Variants in HEPH observed in about 807,000 individuals in gnomAD.
The protein encoded by HEPH is hephaestin.
Under a neutral mutation model 80.8 loss-of-function variants are expected in HEPH, and 69 were observed. The observed-to-expected ratio is 0.85, with a 90% CI of 0.70 to 1.04. HEPH has a LOEUF of 1.04. HEPH is among the 50% of genes least tolerant of loss of function. The pLI is 0.00. For synonymous variants in HEPH, 431 were observed against 322.8 expected, an observed-to-expected ratio of 1.34 and a Z score of -3.60; for missense variants, 1,115 against 891.3, an observed-to-expected ratio of 1.25 and a Z score of -3.20.
intron 15 of HEPH, among the ~76,000 whole-genome samples, chrX:66,234,724 C>T (rs1478580128): frequency 1.8e-5 from 2 of 110,910 alleles, no homozygotes; most frequent in Non-Finnish European, 3.8e-5. Flanking sequence ...GCAACCTCCG[C>T]CTCCTGGGTT....
intron 7 of HEPH, 92 bp downstream of exon 7, chrX:66,192,390 C>T: frequency 2.1e-6 from 2 of 941,606 alleles, no homozygotes; most frequent in Non-Finnish European, 1.5e-6. Flanking sequence ...TCACTTTACT[C>T]AGGGATCCAA....
chrX:66,190,658 T>C (rs1324090945), intron 6 of HEPH, among the ~76,000 whole-genome samples: 1 of 112,096 alleles, frequency 8.9e-6, no homozygotes, highest in African/African-American at 3.2e-5. Context: ...GCTGTCATTT[T>C]CTAGAATTAT....
At chrX:66,170,158 A>G (rs2086531998) in intron 1 of HEPH, 1 of 119,525 alleles carries the variant, frequency 8.4e-6, no homozygotes, top group South Asian at 3.4e-4. Context: ...AGTGGCAACA[A>G]CAATGAGTGT....
intron 11 of HEPH, 63 bp downstream of exon 11, chrX:66,199,091 G>C: frequency 9.4e-7 from 1 of 1,068,971 alleles, no homozygotes; most frequent in Non-Finnish European, 1.3e-6. Context: ...AACTTTAACC[G>C]TAATCATGAC....
chrX:66,268,671 T>C (rs963773034), downstream of HEPH: 4 of 111,849 alleles, frequency 3.6e-5, no homozygotes, highest in Non-Finnish European at 5.7e-5. Context: ...GTAGATGAGA[T>C]GGAATGCATT....
Position 66,260,108 on chromosome X carries a change from G to A in HEPH, c.3045G>A (p.Glu1015=), listed in dbSNP as rs138921628. 4 of 1,204,661 alleles carry A rather than the reference G, an allele frequency of 3.3e-6. No individual in the cohort carries two copies. The African/African-American group carries it at 5.3e-5, about 16-fold the overall frequency. The change falls in exon 19 of 21, where the codon GAG becomes GAA. Residue 1015 remains glutamate, a synonymous_variant. Coordinates refer to ENST00000343002, the MANE Select transcript of HEPH (RefSeq NM_001367233.3). ...CCCAATCTCTCTTGCAGAATGGCGA[G>A]AACTACCGGGCAGATGTGGTGGATC... ...HAESFLYRNG[E]NYRADVVDLF... is the part of the protein sequence containing the mutation.
intron 6 of HEPH, 51 bp from the exon 7 acceptor site, chrX:66,192,079 G>T (rs746095014): frequency 6.2e-5 from 71 of 1,138,524 alleles, no homozygotes; most frequent in Non-Finnish European, 7.3e-5. Context: ...AGTCCTCTGG[G>T]TTAAAATCCT....
At chrX:66,244,336 C>T (rs2090720355) in intron 15 of HEPH, among the ~76,000 whole-genome samples, 1 of 111,668 alleles carries the variant, frequency 9.0e-6, no homozygotes, top group Non-Finnish European at 1.9e-5. Flanking sequence ...TTTACATAAT[C>T]TGATATTTCT....
At chrX:66,267,456 TAGG>T (rs2091570124), downstream of HEPH, 1 of 112,005 alleles carries the variant, frequency 8.9e-6, no homozygotes, top group South Asian at 3.8e-4. Context: ...AGAAAATACT[TAGG>T]GGGTGAGTGA....
chrX:66,243,376 A>G (rs975224008), intron 15 of HEPH, among the ~76,000 whole-genome samples: 2 of 112,321 alleles, frequency 1.8e-5, no homozygotes, highest in African/African-American at 6.5e-5. Flanking sequence ...TCAAAAAGCT[A>G]GTTAGGTATT....
chrX:66,213,094 T>G (rs1344254359), intron 15 of HEPH, among the ~76,000 whole-genome samples: 1 of 109,790 alleles, frequency 9.1e-6, no homozygotes, highest in Non-Finnish European at 1.9e-5. Flanking sequence ...GCAGGTTAGT[T>G]ACATATGTAT....
intron 15 of HEPH, among the ~76,000 whole-genome samples, chrX:66,232,276 A>G (rs1243207903): frequency 9.0e-5 from 10 of 110,966 alleles, no homozygotes; most frequent in African/African-American, 3.0e-4. Flanking sequence ...TTGGTATCAG[A>G]ATGATGCTGG....
chrX:66,162,982 C>G, upstream of HEPH: 1 of 737,959 alleles, frequency 1.4e-6, no homozygotes, highest in Non-Finnish European at 1.9e-6. Flanking sequence ...ATTCTCAGAC[C>G]TGTCGCCACA....
chrX:66,213,184 C>A (rs920286089), intron 15 of HEPH, among the ~76,000 whole-genome samples: 1 of 109,101 alleles, frequency 9.2e-6, no homozygotes, highest in East Asian at 2.9e-4. Context: ...TCCCTCCCCC[C>A]TTCCCCCACC....
At chrX:66,245,617 G>T (rs2090773633) in intron 15 of HEPH, among the ~76,000 whole-genome samples, 1 of 111,252 alleles carries the variant, frequency 9.0e-6, no homozygotes, top group African/African-American at 3.3e-5. Flanking sequence ...ACTCAGCTCT[G>T]CACCAAGTGG....
At chrX:66,188,620 G>A (rs1376530400) in intron 5 of HEPH, 79 bp downstream of exon 5, 1 of 852,581 alleles carries the variant, frequency 1.2e-6, no homozygotes, top group Non-Finnish European at 1.7e-6. Context: ...TTTGGTGGAT[G>A]CTTTCACATA....
intron 15 of HEPH, among the ~76,000 whole-genome samples, chrX:66,233,643 C>T (rs191097980): frequency 2.7e-5 from 3 of 110,631 alleles, no homozygotes; most frequent in Non-Finnish European, 3.8e-5. Context: ...TGAAGAAAAT[C>T]TTCTTCAACA....
At chrX:66,214,450 A>G (rs1385997440) in intron 15 of HEPH, among the ~76,000 whole-genome samples, 1 of 111,564 alleles carries the variant, frequency 9.0e-6, no homozygotes. Context: ...TTTGTCATCT[A>G]CTTGTTAACT....
chrX:66,189,539 AT>A (rs1569306256), intron 5 of HEPH, 144 bp from the exon 6 acceptor site: 1 of 589,570 alleles, frequency 1.7e-6, no homozygotes, highest in African/African-American at 2.3e-5. Context: ...TGTTTTTGAG[AT>A]TTAAAGAAGA....
Sources: gnomAD v4.1 joint callset for allele counts (sites outside exome capture counted in the v4.1 genomes callset) on GRCh38, gnomAD v4.1.1 for gene constraint, MANE v1.5 for transcripts, NCBI Gene and HGNC (gene_info 2026-07-23, HGNC 2026-07-21) for gene names.